MEF2A: variants seen among roughly 807,000 people sequenced by gnomAD.
The protein encoded by MEF2A is myocyte enhancer factor 2A, also known as myocyte-specific enhancer factor 2A.
A neutral mutation model predicts 55.8 loss-of-function variants in MEF2A; 28 were observed. The observed-to-expected ratio is 0.50, with a 90% confidence interval of 0.37 to 0.69. MEF2A has a LOEUF of 0.69. Among genes scored for constraint, MEF2A ranks in the 30% least tolerant of loss-of-function variants. MEF2A has a pLI of 0.00. For synonymous variants in MEF2A, 239 were observed against 227.1 expected, an observed-to-expected ratio of 1.05 and a Z score of -0.47; for missense variants, 528 against 626.2, an observed-to-expected ratio of 0.84 and a Z score of 1.67.
chr15:99,628,412 G>A lies in MEF2A; in HGVS notation c.-142-4566G>A, dbSNP rs541564628. On this transcript the variant is annotated intron_variant, in intron 2 of 11. Coordinates refer to ENST00000557942, the MANE Select transcript of MEF2A (RefSeq NM_001319206.4). Reference sequence around the variant, plus strand: ...CTTCTATTATCTTCTTTTAAAAATTGAGGTTTAGTTTAATCCTATTTAATG... The same window carrying A: ...CTTCTATTATCTTCTTTTAAAAATTAAGGTTTAGTTTAATCCTATTTAATG... 2.6e-5 allele frequency among the ~76,000 whole-genome samples: 4 copies of A among 152,182 alleles called. No individual in the cohort carries two copies. In the East Asian group the frequency reaches 7.7e-4, roughly 29 times the overall value.
At chr15:99,671,837 A>G (rs533834747) in intron 5 of MEF2A, among the ~76,000 whole-genome samples, 6 of 152,344 alleles carry the variant, frequency 3.9e-5, no homozygotes, top group African/African-American at 1.4e-4. Context: ...CATGTTCAGT[A>G]TCTTAAATGT....
chr15:99,657,954 G>A (rs1430650523), intron 4 of MEF2A, among the ~76,000 whole-genome samples: 6 of 152,130 alleles, frequency 3.9e-5, no homozygotes, highest in Admixed American at 1.3e-4. Context: ...TTAACTGGGG[G>A]AAGCAAATTT....
chr15:99,632,170 G>A (rs1178452692), intron 2 of MEF2A, among the ~76,000 whole-genome samples: 1 of 152,032 alleles, frequency 6.6e-6, no homozygotes, highest in African/African-American at 2.4e-5. Context: ...AGTCTTGAAG[G>A]AAAGCAGACT....
chr15:99,651,073 A>G (rs556125787), intron 4 of MEF2A, among the ~76,000 whole-genome samples: 1 of 152,330 alleles, frequency 6.6e-6, no homozygotes, highest in South Asian at 2.1e-4. Context: ...TAAACCCTCT[A>G]AAAAGTAATT....
At chr15:99,609,469 C>T (rs953148509) in intron 2 of MEF2A, among the ~76,000 whole-genome samples, 1 of 152,132 alleles carries the variant, frequency 6.6e-6, no homozygotes, top group African/African-American at 2.4e-5. Flanking sequence ...ATTCAAAGTA[C>T]AGTTTATGTT....
chr15:99,703,441 C>T, intron 9 of MEF2A, 56 bp downstream of exon 9: 1 of 1,546,002 alleles, frequency 6.5e-7, no homozygotes, highest in Non-Finnish European at 8.8e-7. Context: ...AGTACTAATT[C>T]TCTTACGTGT....
chr15:99,666,251 G>A (rs1426059109), intron 4 of MEF2A, among the ~76,000 whole-genome samples: 1 of 152,060 alleles, frequency 6.6e-6, no homozygotes, highest in South Asian at 2.1e-4. Context: ...GGAATACTAT[G>A]CAGCCATAAA....
intron 11 of MEF2A, among the ~76,000 whole-genome samples, chr15:99,711,378 T>A (rs1020001580): frequency 2.6e-5 from 4 of 152,250 alleles, no homozygotes; most frequent in African/African-American, 9.6e-5. Flanking sequence ...ACAAAGAGAA[T>A]GTTCCGTATG....
intron 7 of MEF2A, among the ~76,000 whole-genome samples, chr15:99,682,581 A>G (rs2053446232): frequency 6.6e-6 from 1 of 152,182 alleles, no homozygotes; most frequent in Non-Finnish European, 1.5e-5. Context: ...ACAAAATAAC[A>G]AGTCGTGCAT....
chr15:99,641,572 A>T (rs2153458040), intron 3 of MEF2A, among the ~76,000 whole-genome samples: 1 of 152,134 alleles, frequency 6.6e-6, no homozygotes, highest in African/African-American at 2.4e-5. Flanking sequence ...AAATACAAAA[A>T]ATTAGCCAGG....
chr15:99,632,532 C>A (rs992766652), intron 2 of MEF2A, among the ~76,000 whole-genome samples: 1 of 152,122 alleles, frequency 6.6e-6, no homozygotes, highest in Non-Finnish European at 1.5e-5. Flanking sequence ...GAGTTTATAA[C>A]CCCAAGCTCT....
At chr15:99,600,235 AG>A (rs1025340000) in intron 2 of MEF2A, among the ~76,000 whole-genome samples, 21 of 152,274 alleles carry the variant, frequency 1.4e-4, no homozygotes, top group African/African-American at 5.0e-4. Context: ...TTTAGATTTT[AG>A]GGAATTCTCT....
At chr15:99,685,922 C>T (rs1277977914) in intron 7 of MEF2A, among the ~76,000 whole-genome samples, 1 of 152,064 alleles carries the variant, frequency 6.6e-6, no homozygotes, top group African/African-American at 2.4e-5. Flanking sequence ...GAATTCGGCT[C>T]TGAATTCATC....
intron 2 of MEF2A, among the ~76,000 whole-genome samples, chr15:99,602,653 G>GGTGGGGGTGT (rs1555454714): frequency 2.2e-5 from 1 of 44,842 alleles, no homozygotes; most frequent in African/African-American, 7.1e-5. Context: ...ACATTCCTGG[G>GGTGGGGGTGT]GTGTGTGTGT....
intron 1 of MEF2A, among the ~76,000 whole-genome samples, chr15:99,596,885 A>T (rs984153195): frequency 5.3e-5 from 8 of 152,188 alleles, no homozygotes; most frequent in Admixed American, 5.2e-4. Context: ...GCCATGGCAG[A>T]AGAACGTGGA....
intron 2 of MEF2A, among the ~76,000 whole-genome samples, chr15:99,602,837 C>T (rs979422704): frequency 2.0e-5 from 3 of 150,876 alleles, no homozygotes; most frequent in African/African-American, 7.3e-5. Flanking sequence ...TCATGTCTGA[C>T]TAGCTACCTA....
At chr15:99,697,064 AATCTC>A (rs1486421979) in intron 8 of MEF2A, among the ~76,000 whole-genome samples, 1 of 152,130 alleles carries the variant, frequency 6.6e-6, no homozygotes, top group Admixed American at 6.5e-5. Flanking sequence ...TAAAAAAAAA[AATCTC>A]AATGAACTAG....
chr15:99,689,502 A>G (rs1055084090), intron 7 of MEF2A, among the ~76,000 whole-genome samples: 2 of 152,052 alleles, frequency 1.3e-5, no homozygotes, highest in African/African-American at 4.8e-5. Context: ...TTTCTTTGAG[A>G]CACAGTTTCA....
chr15:99,709,800 G>A (rs1024117644), intron 10 of MEF2A, among the ~76,000 whole-genome samples: 2 of 152,198 alleles, frequency 1.3e-5, no homozygotes, highest in Non-Finnish European at 2.9e-5. Context: ...GATATGAGCT[G>A]GGTATACTCT....
Sources: allele counts gnomAD v4.1 joint callset (sites outside exome capture counted in the v4.1 genomes callset), GRCh38; gene constraint gnomAD v4.1.1; transcripts MANE v1.5; gene names NCBI Gene and HGNC (gene_info 2026-07-23, HGNC 2026-07-21).